The following PLOD1 variants were observed in gnomAD, a reference collection of about 807,000 sequenced individuals.
PLOD1 encodes the protein procollagen-lysine,2-oxoglutarate 5-dioxygenase 1, also known as lysine hydroxylase.
A neutral mutation model predicts 94.7 loss-of-function variants in PLOD1; 70 were observed. The observed-to-expected ratio is 0.74, with a 90% CI of 0.61 to 0.90. The LOEUF is 0.90. Among genes scored for constraint, PLOD1 ranks in the 40% least tolerant of loss-of-function variants. The pLI is 0.00. For synonymous variants in PLOD1, 417 were observed against 400.2 expected (o/e 1.04, Z -0.50); for missense variants, 905 against 972.7 (o/e 0.93, Z 0.93).
intron 15 of PLOD1, 117 bp from the exon 16 acceptor site, chr1:11,966,870 C>A (rs1454719982): frequency 1.3e-6 from 1 of 763,890 alleles, no homozygotes; most frequent in Non-Finnish European, 2.4e-6. Flanking sequence ...ATTGACAAGG[C>A]CCTGCTCCCC....
intron 6 of PLOD1, among the ~76,000 whole-genome samples, chr1:11,955,099 G>A (rs1645729312): frequency 6.6e-6 from 1 of 152,236 alleles, no homozygotes; most frequent in Non-Finnish European, 1.5e-5. Flanking sequence ...GGACAAGTGA[G>A]CATTCAGCCT....
intron 1 of PLOD1, among the ~76,000 whole-genome samples, chr1:11,944,977 TCA>T (rs1422583282): frequency 6.6e-6 from 1 of 152,190 alleles, no homozygotes; most frequent in African/African-American, 2.4e-5. Context: ...GAGCTAAGAC[TCA>T]CCCAGGGAAA....
Position 11,949,818 on chromosome 1 carries a change from G to T in PLOD1, c.214G>T (p.Ala72Ser), listed in dbSNP as rs1343912990. 1.2e-6 allele frequency: 2 copies of T among 1,613,910 alleles called. No individual in the cohort carries two copies. The highest frequency in any genetic ancestry group is 2.7e-5 in the African/African-American group (2 of 74,922). Residue 72 changes from alanine to serine, a missense_variant, in exon 3 of 19, where the codon GCA becomes TCA. By Grantham distance (99) the Ala-to-Ser change is moderately conservative (BLOSUM62 1). Transcript: ENST00000196061. ...EDWNVEKGTSAGGGQKVRLLK... is the reference protein window; with the variant it reads ...EDWNVEKGTSSGGGQKVRLLK... ...CTGGAATGTGGAGAAGGGGACGTCG[G>T]CAGGTGGAGGGCAGAAGGTCCGGCT...
At position 11,948,084 on chromosome 1, in the gene PLOD1, G is replaced by A; in HGVS notation, c.168+17G>A. The A allele has an allele frequency of 6.4e-7, 1 of 1,552,174 alleles. No homozygotes were observed. Among genetic ancestry groups the A allele is most frequent in the South Asian group, 1.1e-5 (1 of 89,850 alleles). ...AAGATCCAGGTAAGGGGTTTCCTGGGTGAGGCAGAGACAGTGAGGGGTGGC... is the reference window on the plus strand; with the variant it reads ...AAGATCCAGGTAAGGGGTTTCCTGGATGAGGCAGAGACAGTGAGGGGTGGC... On this transcript the variant is annotated intron_variant, in intron 2 of 18. Coordinates refer to ENST00000196061, the MANE Select transcript of PLOD1 (RefSeq NM_000302.4).
chr1:11,973,432 G>A (rs1645880369), intron 18 of PLOD1, among the ~76,000 whole-genome samples: 1 of 152,068 alleles, frequency 6.6e-6, no homozygotes, highest in East Asian at 1.9e-4. Context: ...CCCAAGAGGT[G>A]GAGGTTGCAG....
In PLOD1 at chr1:11,948,040, A is replaced by G. The variant is rs945451140; in HGVS notation, c.141A>G (p.Ser47=). 1.2e-6 allele frequency: 2 copies of G among 1,613,652 alleles called. No individual in the cohort carries two copies. The highest frequency in any genetic ancestry group is 2.7e-5 in the African/African-American group (2 of 74,902). ...ETEGFRRFKR[S]AQFFNYKIQA... Reference sequence around the variant, plus strand: ...AGGGATTCCGTCGCTTCAAGCGCTCAGCTCAGTTCTTCAACTACAAGATCC... The same window carrying G: ...AGGGATTCCGTCGCTTCAAGCGCTCGGCTCAGTTCTTCAACTACAAGATCC... Residue 47 remains serine (S), a synonymous_variant, in exon 2 of 19, where the codon TCA becomes TCG. Transcript: ENST00000196061.
At position 11,934,866 on chromosome 1, in the gene PLOD1, G is replaced by A. The variant is rs1358872485; in HGVS notation, c.76+11G>A. 4 of 1,535,574 alleles carry A rather than the reference G, an allele frequency of 2.6e-6. No individual in the cohort carries two copies. The South Asian group carries it at 4.8e-5, about 18-fold the overall frequency. The stretch of plus-strand genomic sequence containing the variant: ...ACGCCAAGCCGGAGGGTGAGGGAGC[G>A]AAGGCCGGGGGCGGGAGCGCGGATC... On this transcript the variant is annotated intron_variant, in intron 1 of 18. Coordinates refer to ENST00000196061, the MANE Select transcript of PLOD1 (RefSeq NM_000302.4).
chr1:11,965,616 G>C (rs775321924), intron 14 of PLOD1, 23 bp downstream of exon 14: 1 of 1,425,092 alleles, frequency 7.0e-7, no homozygotes, highest in African/African-American at 1.4e-5. Flanking sequence ...TGGGCACATA[G>C]GGGCTGGGAG....
chr1:11,944,399 A>ATC, intron 1 of PLOD1: 1 of 471,990 alleles, frequency 2.1e-6, no homozygotes, highest in Middle Eastern at 7.3e-4. Context: ...TCCATCAAGA[A>ATC]TCCTGAATTG....
In PLOD1 at chr1:11,950,340, C is replaced by T. The variant is rs1257031889; in HGVS notation, c.303-17C>T. The T allele has an allele frequency of 2.5e-6, 4 of 1,613,670 alleles. No individual in the cohort carries two copies. Among genetic ancestry groups the T allele is most frequent in the Non-Finnish European group, 3.4e-6 (4 of 1,179,754 alleles). Reference sequence around the variant, plus strand: ...TCACCCTTGCCCTGCTCCGTCTTCTCGCTGCTCTGGCCACAGCTATGACGT... The same window carrying T: ...TCACCCTTGCCCTGCTCCGTCTTCTTGCTGCTCTGGCCACAGCTATGACGT... On this transcript the variant is annotated splice_polypyrimidine_tract_variant and intron_variant, in intron 3 of 18. Coordinates refer to ENST00000196061, the MANE Select transcript of PLOD1 (RefSeq NM_000302.4).
chr1:11,974,574 C>A, intron 18 of PLOD1, 79 bp from the exon 19 acceptor site: 1 of 1,426,658 alleles, frequency 7.0e-7, no homozygotes, highest in Non-Finnish European at 9.8e-7. Context: ...GCCACTTGGC[C>A]ATGACAGGAG....
In PLOD1 at chr1:11,958,602, G is replaced by A. The variant is rs751800110; in HGVS notation, c.930G>A (p.Arg310=). The change falls in exon 9 of 19, where the codon CGG becomes CGA. Residue 310 remains arginine, a synonymous_variant. Coordinates refer to ENST00000196061, the MANE Select transcript of PLOD1 (RefSeq NM_000302.4). The surrounding 1 kb of genome is among the most constrained non-coding windows in gnomAD (Gnocchi z 4.3). ...CCCTGTTCTTCCAGCGGCTCCTGCG[G>A]CTCCACTACCCCCAGAAACACATGC... ...FVSLFFQRLL[R]LHYPQKHMRL... 5.9e-5 allele frequency: 96 copies of A among 1,614,124 alleles called. No homozygotes were observed. The highest frequency in any genetic ancestry group is 7.8e-5 in the Non-Finnish European group (92 of 1,180,022).
rs150465228 is a variant in PLOD1, at chr1:11,973,700, C to A, written c.2028+703C>A. On this transcript the variant is annotated intron_variant, in intron 18 of 18. Transcript: ENST00000196061. The stretch of plus-strand genomic sequence containing the variant: ...GCCCAAGCAATCCTCCCACCTCAGC[C>A]CCCCCAAGTAGTTGGGACCACAGGC... 1.1e-3 allele frequency among the ~76,000 whole-genome samples: 172 copies of A among 152,068 alleles called. 1 individual carries two copies. Among genetic ancestry groups the A allele is most frequent in the African/African-American group, 3.9e-3 (160 of 41,504 alleles).
chr1:11,964,752 C>T lies in PLOD1; in HGVS notation c.1437C>T (p.Pro479=), dbSNP rs367929166. The change falls in exon 13 of 19, where the codon CCC becomes CCT. Residue 479 remains proline, a synonymous_variant. Coordinates refer to ENST00000196061, the MANE Select transcript of PLOD1 (RefSeq NM_000302.4). Reference sequence around the variant, plus strand: ...TCTTCCACCACAGCAAGCTGGACCCCGACATGGCCTTCTGTGCCAACATCC... The same window carrying T: ...TCTTCCACCACAGCAAGCTGGACCCTGACATGGCCTTCTGTGCCAACATCC... ...SDLFHHSKLD[P]DMAFCANIRQ... is the part of the protein sequence containing the mutation. 9.3e-6 allele frequency: 15 copies of T among 1,613,608 alleles called. No individual in the cohort carries two copies. Among genetic ancestry groups the T allele is most frequent in the East Asian group, 6.7e-5 (3 of 44,902 alleles).
intron 16 of PLOD1, 90 bp downstream of exon 16, chr1:11,967,181 T>C (rs150747418): frequency 1.2e-6 from 1 of 840,516 alleles, no homozygotes; most frequent in African/African-American, 1.7e-5. Context: ...CAAGCTGGCC[T>C]GGCCACCCTT....
rs758425988 is a variant in PLOD1 at position 11,970,693 on chromosome 1, C to T, written c.1779C>T (p.Tyr593=). ...NNKDNRIQGG[Y]ENVPTIDIHM... is the part of the protein sequence containing the mutation. ...AGGACAACCGCATCCAGGGTGGCTA[C>T]GAGAACGTGCCGACTATTGACATCC... Residue 593 remains tyrosine (Y), a synonymous_variant, in exon 17 of 19, where the codon TAC becomes TAT. Coordinates refer to ENST00000196061, the MANE Select transcript of PLOD1 (RefSeq NM_000302.4). 15 of 1,613,022 alleles carry T rather than the reference C, an allele frequency of 9.3e-6. No homozygotes were observed. Among genetic ancestry groups the T allele is most frequent in the Middle Eastern group, 1.6e-4 (1 of 6,084 alleles).
At chr1:11,954,084 T>A (rs1645721259) in intron 5 of PLOD1, among the ~76,000 whole-genome samples, 1 of 150,750 alleles carries the variant, frequency 6.6e-6, no homozygotes. Flanking sequence ...CAAGCTGGTC[T>A]CAAACTCCTG....
chr1:11,943,736 A>G (rs1645630616), intron 1 of PLOD1, among the ~76,000 whole-genome samples: 1 of 152,078 alleles, frequency 6.6e-6, no homozygotes, highest in African/African-American at 2.4e-5. Flanking sequence ...ATAGATAGAG[A>G]GACAGGGCCC....
chr1:11,974,533 A>G, intron 18 of PLOD1, 120 bp from the exon 19 acceptor site: 1 of 966,946 alleles, frequency 1.0e-6, no homozygotes. Context: ...CTGTCACTCC[A>G]GAAGGCATCC....
Sources: allele counts gnomAD v4.1 joint callset (sites outside exome capture counted in the v4.1 genomes callset), GRCh38; gene constraint gnomAD v4.1.1; non-coding constraint Gnocchi (gnomAD v3.1); transcripts MANE v1.5; gene names NCBI Gene and HGNC (gene_info 2026-07-23, HGNC 2026-07-21).